Variants in DOK6 observed in about 807,000 individuals in gnomAD.
The protein encoded by DOK6 is downstream of tyrosine kinase 6.
A neutral mutation model predicts 44.0 loss-of-function variants in DOK6; 22 were observed. That is an observed-to-expected ratio of 0.50 (90% confidence interval 0.36 to 0.71). DOK6 has a LOEUF of 0.71. Ranked by LOEUF, DOK6 falls within the 30% of genes least tolerant of loss-of-function variation. The pLI is 0.00. For synonymous variants in DOK6, 166 were observed against 145.5 expected (o/e 1.14, Z -1.01); for missense variants, 340 against 416.4 (o/e 0.82, Z 1.60).
At chr18:69,517,121 T>C (rs964889029) in intron 1 of DOK6, among the ~76,000 whole-genome samples, 1 of 152,224 alleles carries the variant, frequency 6.6e-6, no homozygotes, top group Non-Finnish European at 1.5e-5. Context: ...GGATATGAAC[T>C]CATAGGAGAT....
At chr18:69,787,916 T>C (rs966152668) in intron 7 of DOK6, among the ~76,000 whole-genome samples, 5 of 152,204 alleles carry the variant, frequency 3.3e-5, no homozygotes, top group Admixed American at 3.3e-4. Flanking sequence ...TTAGACTAAA[T>C]ATATTCAGCC....
chr18:69,786,453 G>GA (rs1364050949), intron 7 of DOK6, among the ~76,000 whole-genome samples: 1 of 152,066 alleles, frequency 6.6e-6, no homozygotes, highest in Non-Finnish European at 1.5e-5. Context: ...CAGCCTTATG[G>GA]AAAAAAGAGA....
At chr18:69,646,646 G>A (rs961500894) in intron 3 of DOK6, among the ~76,000 whole-genome samples, 5 of 152,050 alleles carry the variant, frequency 3.3e-5, no homozygotes, top group African/African-American at 1.2e-4. Context: ...TTTTAATTCT[G>A]TTTACTTGTT....
intron 1 of DOK6, among the ~76,000 whole-genome samples, chr18:69,481,471 G>A (rs1268291868): frequency 1.3e-5 from 2 of 152,094 alleles, no homozygotes; most frequent in Non-Finnish European, 2.9e-5. Flanking sequence ...AGAACATGCG[G>A]TGTTTGGTTT....
intron 7 of DOK6, among the ~76,000 whole-genome samples, chr18:69,799,064 C>T (rs1980828535): frequency 6.6e-6 from 1 of 151,854 alleles, no homozygotes; most frequent in Non-Finnish European, 1.5e-5. Flanking sequence ...AAAACATGGA[C>T]CCTAGTACAT....
In DOK6 at chr18:69,739,028, G is replaced by A. The variant is rs755237609; in HGVS notation, c.663G>A (p.Gln221=). The change falls in exon 6 of 8, where the codon CAG becomes CAA. Residue 221 remains glutamine (Q), a synonymous_variant. Transcript: ENST00000382713. Reference sequence around the variant, plus strand: ...CAAGGGAAGGAGAAATGATCTATCAGAAGGTTCATTCTGCGACACTGGCCA... The same window carrying A: ...CAAGGGAAGGAGAAATGATCTATCAAAAGGTTCATTCTGCGACACTGGCCA... ...FQTREGEMIY[Q]KVHSATLAIA... The A allele has an allele frequency of 1.9e-6, 3 of 1,613,998 alleles. No homozygotes were observed. Among genetic ancestry groups the A allele is most frequent in the South Asian group, 1.1e-5 (1 of 91,078 alleles).
At chr18:69,608,572 A>G (rs76025993) in intron 3 of DOK6, among the ~76,000 whole-genome samples, 1,668 of 152,236 alleles carry the variant, frequency 0.011, 21 homozygotes, top group African/African-American at 0.038. Flanking sequence ...ATTGCACTGA[A>G]TCTGTGGATT....
At chr18:69,798,422 T>A (rs1451643810) in intron 7 of DOK6, among the ~76,000 whole-genome samples, 3 of 152,090 alleles carry the variant, frequency 2.0e-5, no homozygotes, top group Non-Finnish European at 4.4e-5. Context: ...CATTAAGCTA[T>A]CATTTAATGT....
chr18:69,443,396 G>A (rs1184143894), intron 1 of DOK6, among the ~76,000 whole-genome samples: 1 of 152,102 alleles, frequency 6.6e-6, no homozygotes, highest in Admixed American at 6.5e-5. Context: ...CCGGCAATGT[G>A]ACCTCAGCAA....
intron 3 of DOK6, among the ~76,000 whole-genome samples, chr18:69,644,129 A>C (rs1450512994): frequency 6.6e-6 from 1 of 151,830 alleles, no homozygotes; most frequent in Non-Finnish European, 1.5e-5. Flanking sequence ...GATGTTGGAG[A>C]GTTCTTTATA....
At chr18:69,649,967 G>A (rs1985180178) in intron 3 of DOK6, among the ~76,000 whole-genome samples, 1 of 151,816 alleles carries the variant, frequency 6.6e-6, no homozygotes, top group Non-Finnish European at 1.5e-5. Context: ...CATCTCTTAT[G>A]GGATCCCCTC....
chr18:69,540,014 A>G (rs1982227152), intron 1 of DOK6, among the ~76,000 whole-genome samples: 1 of 143,076 alleles, frequency 7.0e-6, no homozygotes, highest in Non-Finnish European at 1.5e-5. Context: ...GGAGGGAGAA[A>G]GAATGCATGT....
In DOK6 at chr18:69,517,930, G is replaced by C. The variant is rs201343782; in HGVS notation, c.67-46557G>C. Among the ~76,000 whole-genome samples the C allele has an allele frequency of 3.2e-4, 49 of 152,024 alleles. 1 individual carries two copies. The East Asian group carries it at 4.5e-3, about 14-fold the overall frequency. ...CTACATCAACTTTCACACATTAAAT[G>C]TTAGCAGCACTACAGCTGCCTCCCC... On this transcript the variant is annotated intron_variant, in intron 1 of 7. Transcript: ENST00000382713.
Position 69,401,092 on chromosome 18 carries a change from TC to T in DOK6, c.-149del. The T allele has an allele frequency of 1.6e-6, 1 of 623,304 alleles. No individual in the cohort carries two copies. Among genetic ancestry groups the T allele is most frequent in the Non-Finnish European group, 2.2e-6 (1 of 448,448 alleles). 38.6% of individuals were successfully genotyped at this position (623,304 alleles called of 1,614,324 possible). Reference sequence around the variant, plus strand: ...CGGCGGCCCTGCAGGCGACCCCGCGTCCCCACCGGCGGGAGCTCGGGGAAGA... The same window carrying T: ...CGGCGGCCCTGCAGGCGACCCCGCGTCCCACCGGCGGGAGCTCGGGGAAGA... On this transcript the variant is annotated 5_prime_UTR_variant, in exon 1 of 8. Transcript: ENST00000382713.
intron 6 of DOK6, among the ~76,000 whole-genome samples, chr18:69,751,294 G>T (rs1979169978): frequency 6.6e-6 from 1 of 151,486 alleles, no homozygotes; most frequent in South Asian, 2.1e-4. Context: ...TAATGGTTAT[G>T]TTAATTAGAT....
intron 5 of DOK6, among the ~76,000 whole-genome samples, chr18:69,706,578 G>C (rs978810065): frequency 1.3e-5 from 2 of 151,426 alleles, no homozygotes; most frequent in African/African-American, 2.4e-5. Context: ...ACAATGTGCA[G>C]GTTAGTTACA....
At chr18:69,479,886 G>A (rs1001648226) in intron 1 of DOK6, among the ~76,000 whole-genome samples, 2 of 152,164 alleles carry the variant, frequency 1.3e-5, no homozygotes, top group South Asian at 4.1e-4. Flanking sequence ...TCTCTTGTGA[G>A]TGTGTGGTAG....
At chr18:69,755,865 A>G (rs1405774282) in intron 6 of DOK6, among the ~76,000 whole-genome samples, 3 of 152,194 alleles carry the variant, frequency 2.0e-5, no homozygotes, top group African/African-American at 2.4e-5. Context: ...GGAAAGCAGA[A>G]TTTATTAAGC....
intron 7 of DOK6, among the ~76,000 whole-genome samples, chr18:69,799,044 A>G (rs1256691944): frequency 2.0e-5 from 3 of 152,024 alleles, no homozygotes; most frequent in Non-Finnish European, 2.9e-5. Context: ...AGAATTTAAT[A>G]TAATTATTGA....
Sources: allele counts gnomAD v4.1 joint callset (sites outside exome capture counted in the v4.1 genomes callset), GRCh38; gene constraint gnomAD v4.1.1; transcripts MANE v1.5; gene names NCBI Gene and HGNC (gene_info 2026-07-23, HGNC 2026-07-21).